The following RASA2 variants were observed in gnomAD, a reference collection of about 807,000 sequenced individuals.
The protein encoded by RASA2 is RAS p21 protein activator 2, also known as ras GTPase-activating protein 2.
In RASA2, 155 loss-of-function variants were observed where a neutral mutation model predicts 118.2. The ratio of observed to expected loss-of-function variants is 1.31; its 90% CI spans 1.15 to 1.50. RASA2 has a LOEUF of 1.50. RASA2 is among the 40% of genes most tolerant of loss of function. RASA2 has a pLI of 0.00. For missense variants in RASA2, 1,016 were observed against 1,009.6 expected, an observed-to-expected ratio of 1.01 and a Z score of -0.09; for synonymous variants, 353 against 349.1, an observed-to-expected ratio of 1.01 and a Z score of -0.12.
intron 1 of RASA2, among the ~76,000 whole-genome samples, chr3:141,492,352 A>T (rs966338016): frequency 2.6e-4 from 39 of 152,244 alleles, no homozygotes; most frequent in African/African-American, 9.4e-4. Flanking sequence ...GAGAACTGCA[A>T]ACAAAATGTT....
intron 6 of RASA2, among the ~76,000 whole-genome samples, chr3:141,554,651 C>T (rs563472267): frequency 6.6e-6 from 1 of 152,296 alleles, no homozygotes; most frequent in South Asian, 2.1e-4. Context: ...CATACATACA[C>T]ACCCCTTTTC....
At chr3:141,530,073 A>G (rs112610149) in intron 4 of RASA2, among the ~76,000 whole-genome samples, 2 of 152,188 alleles carry the variant, frequency 1.3e-5, no homozygotes, top group African/African-American at 4.8e-5. Context: ...ATAGCAAATT[A>G]TTATTTGTCT....
chr3:141,609,473 G>T lies in RASA2; in HGVS notation c.2279G>T (p.Arg760Ile), dbSNP rs1277370772. The part of the protein sequence containing the change: ...IDIDEDRETE[R>I]IYSLFTLSLL... The stretch of plus-strand genomic sequence containing the variant: ...ATTGATGAAGACAGAGAAACAGAAA[G>T]AATTTATTCCCTTTTTACCCTCAGT... Residue 760 changes from arginine to isoleucine, a missense_variant, in exon 22 of 24, where the codon AGA (arginine) becomes ATA (isoleucine). By Grantham distance (97) the Arg-to-Ile change is moderately conservative. Transcript: ENST00000286364. The T allele has an allele frequency of 1.2e-6, 2 of 1,605,948 alleles. No individual in the cohort carries two copies. The highest frequency in any genetic ancestry group is 8.5e-7 in the Non-Finnish European group (1 of 1,174,354).
intron 3 of RASA2, chr3:141,525,860 T>G (rs1052304902): frequency 1.3e-5 from 2 of 152,038 alleles, no homozygotes; most frequent in African/African-American, 4.8e-5. Flanking sequence ...AACACTAAAC[T>G]AAAACAATCT....
At position 141,614,589 on chromosome 3, in the gene RASA2, A is replaced by G. The variant is rs910571851; in HGVS notation, c.*2276A>G. Reference sequence around the variant, plus strand: ...AAAAACCTAAAAACTCCAGGAAGGAAAGAAAAGGATGATATGGGGAAATTT... The same window carrying G: ...AAAAACCTAAAAACTCCAGGAAGGAGAGAAAAGGATGATATGGGGAAATTT... On this transcript the variant is annotated 3_prime_UTR_variant, in exon 24 of 24. Coordinates refer to ENST00000286364, the MANE Select transcript of RASA2 (RefSeq NM_006506.5). 5.3e-5 allele frequency: 8 copies of G among 152,210 alleles called. No homozygotes were observed. Among genetic ancestry groups the G allele is most frequent in the African/African-American group, 1.9e-4 (8 of 41,456 alleles). 9.4% of individuals were successfully genotyped at this position (152,210 alleles called of 1,614,324 possible). A position where few individuals can be genotyped will look rare whatever the true frequency, so the allele number is the denominator to read the frequency against.
chr3:141,500,835 AGTG>A (rs1301487663), intron 1 of RASA2, among the ~76,000 whole-genome samples: 2 of 152,112 alleles, frequency 1.3e-5, no homozygotes, highest in Admixed American at 6.5e-5. Flanking sequence ...TTAAATTTCA[AGTG>A]TTGTCTCTCA....
At chr3:141,535,338 T>G (rs943729055) in intron 4 of RASA2, among the ~76,000 whole-genome samples, 6 of 152,218 alleles carry the variant, frequency 3.9e-5, no homozygotes, top group African/African-American at 1.2e-4. Flanking sequence ...TAGACAGTAT[T>G]TCCAAGGTAT....
intron 7 of RASA2, among the ~76,000 whole-genome samples, 175 bp from the exon 8 acceptor site, chr3:141,558,711 A>T (rs774056410): frequency 3.7e-4 from 56 of 151,822 alleles, no homozygotes; most frequent in Non-Finnish European, 5.9e-4. Flanking sequence ...ACACTACCTT[A>T]TTCTTTTCTG....
chr3:141,587,601 C>T (rs1220088037), intron 19 of RASA2, among the ~76,000 whole-genome samples: 1 of 151,556 alleles, frequency 6.6e-6, no homozygotes, highest in Non-Finnish European at 1.5e-5. Context: ...GTAGTCCCAG[C>T]TACTCTGGAG....
chr3:141,554,632 A>T (rs1340872384), intron 6 of RASA2, among the ~76,000 whole-genome samples: 1 of 152,202 alleles, frequency 6.6e-6, no homozygotes, highest in Non-Finnish European at 1.5e-5. Context: ...CTCTACACAC[A>T]CATACATGCA....
intron 3 of RASA2, among the ~76,000 whole-genome samples, chr3:141,518,215 A>C (rs2082056853): frequency 6.6e-6 from 1 of 151,628 alleles, no homozygotes; most frequent in Non-Finnish European, 1.5e-5. Flanking sequence ...GGCCAGGTGC[A>C]GTGGCTCATG....
rs543189805 is a variant in RASA2 at position 141,613,976 on chromosome 3, C to T, written c.*1663C>T. ...ATTCCATAAACTACACTGATTTATACATTTGAAAGAATTTAGCCATTTAAT... is the reference window on the plus strand; with the variant it reads ...ATTCCATAAACTACACTGATTTATATATTTGAAAGAATTTAGCCATTTAAT... On this transcript the variant is annotated 3_prime_UTR_variant, in exon 24 of 24. Transcript: ENST00000286364. The T allele has an allele frequency of 6.6e-6, 1 of 152,254 alleles. No individual in the cohort carries two copies. The highest frequency in any genetic ancestry group is 2.4e-5 in the African/African-American group (1 of 41,566). The allele number at this position is 152,254 out of a possible 1,614,324, so 9.4% of individuals were successfully genotyped here.
chr3:141,502,426 CTGTT>C (rs997544876), intron 1 of RASA2, among the ~76,000 whole-genome samples: 2 of 152,144 alleles, frequency 1.3e-5, no homozygotes, highest in African/African-American at 4.8e-5. Context: ...TTTAGGTTCT[CTGTT>C]TGATACTAGC....
At chr3:141,566,446 G>A (rs1487556201) in intron 9 of RASA2, among the ~76,000 whole-genome samples, 1 of 152,144 alleles carries the variant, frequency 6.6e-6, no homozygotes, top group African/African-American at 2.4e-5. Context: ...AATTCCAAAG[G>A]TGGAAAACTC....
intron 17 of RASA2, among the ~76,000 whole-genome samples, chr3:141,585,082 A>G (rs2083179233): frequency 6.6e-6 from 1 of 152,226 alleles, no homozygotes; most frequent in Non-Finnish European, 1.5e-5. Context: ...GCTACAGGTC[A>G]AACGTGGCCC....
intron 19 of RASA2, among the ~76,000 whole-genome samples, chr3:141,605,217 A>G (rs2083528447): frequency 6.6e-6 from 1 of 152,006 alleles, no homozygotes; most frequent in African/African-American, 2.4e-5. Context: ...AAGATTTCTG[A>G]CTTTATCTTG....
chr3:141,600,649 G>C (rs943987082), intron 19 of RASA2: 1 of 161,140 alleles, frequency 6.2e-6, no homozygotes, highest in African/African-American at 2.4e-5. Flanking sequence ...GTCCTTCAGA[G>C]CTTCACATCT....
At chr3:141,540,467 G>A (rs1201787121) in intron 4 of RASA2, 66 bp from the exon 5 acceptor site, 16 of 1,321,556 alleles carry the variant, frequency 1.2e-5, no homozygotes, top group Non-Finnish European at 1.5e-5. Flanking sequence ...ATTTGAAAAG[G>A]CACATACCTT....
intron 9 of RASA2, among the ~76,000 whole-genome samples, chr3:141,568,177 C>G (rs1229477281): frequency 2.0e-5 from 3 of 152,056 alleles, no homozygotes; most frequent in Non-Finnish European, 2.9e-5. Context: ...CGAGTCCATT[C>G]ATTGCATGAA....
Sources: allele counts gnomAD v4.1 joint callset (sites outside exome capture counted in the v4.1 genomes callset), GRCh38; gene constraint gnomAD v4.1.1; transcripts MANE v1.5; gene names NCBI Gene and HGNC (gene_info 2026-07-23, HGNC 2026-07-21).